Variants in FHIT observed in about 807,000 individuals in gnomAD.
The protein encoded by FHIT is fragile histidine triad diadenosine triphosphatase.
FHIT carries 19 observed loss-of-function variants against 17.9 expected under a neutral mutation model. That is an observed-to-expected ratio of 1.06 (90% CI 0.74 to 1.56). The LOEUF (loss-of-function observed/expected upper bound fraction) is 1.56. Ranked by LOEUF, FHIT falls within the 40% of genes most tolerant of loss-of-function variation. The pLI is 0.00. For synonymous variants in FHIT, 81 were observed against 69.7 expected (o/e 1.16, Z -0.81); for missense variants, 248 against 189.2 (o/e 1.31, Z -1.82).
intron 3 of FHIT, among the ~76,000 whole-genome samples, chr3:60,976,096 CTTTTTTTTTT>C (rs869239307): frequency 2.2e-4 from 15 of 66,754 alleles, no homozygotes; most frequent in Admixed American, 6.5e-4. Flanking sequence ...TTTTCTTTTT[CTTTTTTTTTT>C]TTTTTTTTTT....
chr3:61,225,987 T>C (rs1346918504), intron 1 of FHIT, among the ~76,000 whole-genome samples: 1 of 152,254 alleles, frequency 6.6e-6, no homozygotes, highest in African/African-American at 2.4e-5. Context: ...TCAAGTGTTA[T>C]TTATTTCTTC....
At chr3:60,060,324 C>T (rs749663693) in intron 5 of FHIT, among the ~76,000 whole-genome samples, 30 of 152,070 alleles carry the variant, frequency 2.0e-4, no homozygotes, top group Non-Finnish European at 2.6e-4. Flanking sequence ...GAATTTAGAC[C>T]GTAGAATCAA....
chr3:60,899,279 G>A (rs1267375241), intron 3 of FHIT, among the ~76,000 whole-genome samples: 2 of 152,014 alleles, frequency 1.3e-5, no homozygotes, highest in Non-Finnish European at 2.9e-5. Flanking sequence ...TGTTTTCCTC[G>A]GAGTTGATCA....
chr3:59,917,692 G>C (rs1191437265), intron 8 of FHIT, among the ~76,000 whole-genome samples: 1 of 152,166 alleles, frequency 6.6e-6, no homozygotes, highest in Non-Finnish European at 1.5e-5. Flanking sequence ...GCTTTGGAAG[G>C]GGGAGAGTTT....
At chr3:60,245,726 T>C (rs1298175614) in intron 5 of FHIT, among the ~76,000 whole-genome samples, 1 of 152,086 alleles carries the variant, frequency 6.6e-6, no homozygotes, top group Non-Finnish European at 1.5e-5. Flanking sequence ...CAAAACTTTA[T>C]GTACAAAAAT....
intron 5 of FHIT, among the ~76,000 whole-genome samples, chr3:60,235,619 T>C (rs1180115075): frequency 6.6e-6 from 1 of 152,186 alleles, no homozygotes; most frequent in Non-Finnish European, 1.5e-5. Context: ...TTAACCTCAA[T>C]GTGAACATAC....
At chr3:60,144,378 A>G (rs1056484218) in intron 5 of FHIT, among the ~76,000 whole-genome samples, 1 of 152,174 alleles carries the variant, frequency 6.6e-6, no homozygotes. Context: ...CCAAGGAGGT[A>G]GTTATTTTTA....
chr3:60,326,418 G>C (rs575326883), intron 5 of FHIT, among the ~76,000 whole-genome samples: 172 of 152,110 alleles, frequency 1.1e-3, no homozygotes, highest in African/African-American at 4.0e-3. Context: ...TTCACAATAG[G>C]GTTCACATTC....
At chr3:60,648,729 A>C (rs1577024671) in intron 4 of FHIT, among the ~76,000 whole-genome samples, 1 of 152,160 alleles carries the variant, frequency 6.6e-6, no homozygotes, top group Non-Finnish European at 1.5e-5. Flanking sequence ...GTGAGATGAA[A>C]AGCTAAAAAA....
At chr3:60,831,719 A>G (rs1553742584) in intron 3 of FHIT, among the ~76,000 whole-genome samples, 1 of 152,082 alleles carries the variant, frequency 6.6e-6, no homozygotes, top group Non-Finnish European at 1.5e-5. Context: ...GAGACACCAC[A>G]TAAGAGAAAA....
At chr3:60,620,585 G>GA (rs562373515) in intron 4 of FHIT, among the ~76,000 whole-genome samples, 2,367 of 133,910 alleles carry the variant, frequency 0.018, 29 homozygotes, top group African/African-American at 0.041. Flanking sequence ...GGATACATTG[G>GA]AAAAAAAAAA....
intron 3 of FHIT, among the ~76,000 whole-genome samples, chr3:60,825,641 A>G (rs1553740724): frequency 6.6e-6 from 1 of 152,032 alleles, no homozygotes; most frequent in Non-Finnish European, 1.5e-5. Flanking sequence ...CCCTAGTGTG[A>G]ACTGTGCATG....
intron 5 of FHIT, among the ~76,000 whole-genome samples, chr3:60,219,313 T>C (rs1215085765): frequency 1.3e-5 from 2 of 152,284 alleles, no homozygotes; most frequent in East Asian, 1.9e-4. Context: ...GTGAAATCTT[T>C]GCTTTGTAAT....
At chr3:60,493,925 G>T (rs963105052) in intron 5 of FHIT, among the ~76,000 whole-genome samples, 1 of 152,010 alleles carries the variant, frequency 6.6e-6, no homozygotes, top group African/African-American at 2.4e-5. Context: ...AATCATTTTG[G>T]TTAAGACTTT....
intron 4 of FHIT, among the ~76,000 whole-genome samples, chr3:60,629,280 G>A (rs1553681862): frequency 6.6e-6 from 1 of 152,128 alleles, no homozygotes; most frequent in East Asian, 1.9e-4. Context: ...TACATGAAAG[G>A]GATAGATAGC....
In FHIT at chr3:61,185,195, G is replaced by A. The variant is rs116948758; in HGVS notation, c.-164+15422C>T. On this transcript the variant is annotated intron_variant, in intron 2 of 9. Transcript: ENST00000492590. The stretch of plus-strand genomic sequence containing the variant: ...ATTCATTCTGGAGTAGGGTTAAGCC[G>A]GAGCAAAGCAATTTGGCATGCTTGC... 1.2e-3 allele frequency among the ~76,000 whole-genome samples: 186 copies of A among 152,262 alleles called. 3 individuals are homozygous for A. In the East Asian group the frequency reaches 0.03, roughly 25 times the overall value.
chr3:60,533,203 T>C (rs984808023), intron 5 of FHIT, among the ~76,000 whole-genome samples: 1 of 152,136 alleles, frequency 6.6e-6, no homozygotes, highest in Non-Finnish European at 1.5e-5. Context: ...AAACCTAGCT[T>C]GGACATGATA....
chr3:59,811,127 C>G (rs1279233035), intron 8 of FHIT, among the ~76,000 whole-genome samples: 1 of 152,216 alleles, frequency 6.6e-6, no homozygotes, highest in Non-Finnish European at 1.5e-5. Context: ...TACTATGTCA[C>G]ATGGACACAA....
intron 4 of FHIT, among the ~76,000 whole-genome samples, chr3:60,552,356 T>C (rs1041009579): frequency 6.6e-6 from 1 of 152,220 alleles, no homozygotes; most frequent in Non-Finnish European, 1.5e-5. Context: ...GTGAAACTGC[T>C]GGATCATGTG....
Sources: allele counts gnomAD v4.1 joint callset (sites outside exome capture counted in the v4.1 genomes callset), GRCh38; gene constraint gnomAD v4.1.1; transcripts MANE v1.5; gene names NCBI Gene and HGNC (gene_info 2026-07-23, HGNC 2026-07-21).